The following SENP6 variants were observed in gnomAD, a reference collection of about 807,000 sequenced individuals.
The protein encoded by SENP6 is SUMO specific peptidase 6.
A neutral mutation model predicts 134.5 loss-of-function variants in SENP6; 41 were observed. That is an observed-to-expected ratio of 0.30 (90% CI 0.24 to 0.40). The LOEUF is 0.40. SENP6 is among the 10% of genes least tolerant of loss of function. The probability of loss-of-function intolerance (pLI) is 1.00; values close to 1 mark genes in which losing one functional copy is unlikely to be tolerated. For synonymous variants in SENP6, 395 were observed against 429.8 expected, an observed-to-expected ratio of 0.92 and a Z score of 1.00; for missense variants, 1,248 against 1,312.5, an observed-to-expected ratio of 0.95 and a Z score of 0.76.
At chr6:75,658,566 A>T (rs2149859954) in intron 7 of SENP6, among the ~76,000 whole-genome samples, 1 of 152,174 alleles carries the variant, frequency 6.6e-6, no homozygotes, top group Non-Finnish European at 1.5e-5. Flanking sequence ...TCATCAAATC[A>T]TTTAAACATT....
chr6:75,709,527 A>C lies in SENP6; in HGVS notation c.2717A>C (p.Asp906Ala). Reference sequence around the variant, plus strand: ...TATGTAATGTTTCTTATTGATACAGATGGCTTAAGCAAAATCAGACTAAAC... The same window carrying C: ...TATGTAATGTTTCTTATTGATACAGCTGGCTTAAGCAAAATCAGACTAAAC... ...NESLSSTHHT[D>A]GLSKIRLNYS... The change falls in exon 20 of 24, where the codon GAT (aspartate) becomes GCT (alanine). Residue 906 changes from aspartate to alanine, a missense_variant and splice_region_variant. By Grantham distance (126) the Asp-to-Ala change is moderately radical (BLOSUM62 -2). This residue lies in a region of SENP6 where 386 missense variants were observed against 395.0 expected (regional missense o/e 0.98). Transcript: ENST00000447266. 1 of 1,611,008 alleles carries C rather than the reference A, an allele frequency of 6.2e-7. No individual in the cohort carries two copies. The highest frequency in any genetic ancestry group is 8.5e-7 in the Non-Finnish European group (1 of 1,177,290).
intron 2 of SENP6, chr6:75,622,850 T>C: frequency 7.9e-7 from 1 of 1,270,026 alleles, no homozygotes; most frequent in Non-Finnish European, 1.0e-6. Context: ...GAAGGAGAGC[T>C]TTGAACTGGT....
intron 20 of SENP6, among the ~76,000 whole-genome samples, chr6:75,711,069 G>C (rs969951787): frequency 6.6e-6 from 1 of 152,102 alleles, no homozygotes; most frequent in Non-Finnish European, 1.5e-5. Context: ...CAGTCTTAAA[G>C]ATTTATTCTA....
intron 7 of SENP6, among the ~76,000 whole-genome samples, chr6:75,652,701 A>AAAAAAAAAAAAAAAAAAAAAAAAAAAC: frequency 6.8e-6 from 1 of 146,568 alleles, no homozygotes; most frequent in African/African-American, 2.6e-5. Context: ...AAAAAAAAAA[A>AAAAAAAAAAAAAAAAAAAAAAAAAAAC]AAGAAAAAGA....
At chr6:75,692,157 C>T (rs1297670905) in intron 16 of SENP6, among the ~76,000 whole-genome samples, 1 of 152,016 alleles carries the variant, frequency 6.6e-6, no homozygotes, top group East Asian at 1.9e-4. Flanking sequence ...CGCCTGGCCT[C>T]CCATAAGTTT....
intron 6 of SENP6, among the ~76,000 whole-genome samples, chr6:75,646,286 A>C (rs548621826): frequency 1.7e-4 from 26 of 152,248 alleles, no homozygotes; most frequent in Non-Finnish European, 3.4e-4. Flanking sequence ...CAAATTTCAA[A>C]TTTTTCAGTG....
chr6:75,708,902 AAAAT>A (rs1245593344), intron 19 of SENP6, among the ~76,000 whole-genome samples: 1 of 152,200 alleles, frequency 6.6e-6, no homozygotes, highest in Non-Finnish European at 1.5e-5. Context: ...TCAAAAAATA[AAAAT>A]AAATAAATAA....
At chr6:75,602,793 C>T (rs1311201149) in intron 1 of SENP6, among the ~76,000 whole-genome samples, 3 of 152,114 alleles carry the variant, frequency 2.0e-5, no homozygotes, top group Admixed American at 6.5e-5. Context: ...GCCCAGGGGG[C>T]GCGGGTGGAT....
At chr6:75,682,257 A>T (rs1022998377) in intron 16 of SENP6, among the ~76,000 whole-genome samples, 3 of 152,130 alleles carry the variant, frequency 2.0e-5, no homozygotes, top group African/African-American at 7.2e-5. Flanking sequence ...CTGAAAGGAG[A>T]AACAGACAAA....
intron 16 of SENP6, among the ~76,000 whole-genome samples, chr6:75,683,190 G>A (rs1390662430): frequency 1.3e-5 from 2 of 152,024 alleles, no homozygotes; most frequent in East Asian, 1.9e-4. Flanking sequence ...GTGTCTGTTC[G>A]CTGTATAGAT....
At chr6:75,693,061 CT>C (rs1005522568) in intron 16 of SENP6, among the ~76,000 whole-genome samples, 14 of 152,078 alleles carry the variant, frequency 9.2e-5, no homozygotes, top group African/African-American at 3.4e-4. Flanking sequence ...AATACATTTC[CT>C]TTTTTTAAGG....
chr6:75,689,824 A>T (rs939560005), intron 16 of SENP6, among the ~76,000 whole-genome samples: 4 of 152,278 alleles, frequency 2.6e-5, no homozygotes, highest in African/African-American at 9.6e-5. Flanking sequence ...AGTACACTCG[A>T]TGATGCACAA....
chr6:75,677,019 T>C lies in SENP6; in HGVS notation c.1622-11T>C. ...GTGTTTTTTTTTGGACTTATATTTATTTCTTTTCAGATTTAGAAGAACAAT... is the reference window on the plus strand; with the variant it reads ...GTGTTTTTTTTTGGACTTATATTTACTTCTTTTCAGATTTAGAAGAACAAT... On this transcript the variant is annotated splice_polypyrimidine_tract_variant and intron_variant, in intron 13 of 23. Transcript: ENST00000447266. 1 of 1,296,550 alleles carries C rather than the reference T, an allele frequency of 7.7e-7. No homozygotes were observed. The highest frequency in any genetic ancestry group is 1.3e-5 in the South Asian group (1 of 76,154). 80.3% of individuals were successfully genotyped at this position (1,296,550 alleles called of 1,614,324 possible).
chr6:75,613,717 G>A (rs75560193), intron 1 of SENP6, among the ~76,000 whole-genome samples: 1,834 of 150,976 alleles, frequency 0.012, 35 homozygotes, highest in African/African-American at 0.04. Context: ...TCATTTAACC[G>A]TAATTACTTT....
chr6:75,621,700 G>C, intron 2 of SENP6, 75 bp downstream of exon 2: 1 of 887,288 alleles, frequency 1.1e-6, no homozygotes. Context: ...CTATTGTATG[G>C]AAATATTTTT....
At chr6:75,709,656 TTCTA>T in intron 20 of SENP6, 26 bp downstream of exon 20, 1 of 1,540,358 alleles carries the variant, frequency 6.5e-7, no homozygotes, top group Non-Finnish European at 9.0e-7. Context: ...TGGCAAAAAG[TTCTA>T]ATGTTTTATC....
At chr6:75,636,659 C>A (rs1041834921) in intron 5 of SENP6, among the ~76,000 whole-genome samples, 1 of 151,948 alleles carries the variant, frequency 6.6e-6, no homozygotes, top group Non-Finnish European at 1.5e-5. Flanking sequence ...GAGAAGGGAA[C>A]AAGAATTTAT....
chr6:75,687,437 G>T (rs573305918), intron 16 of SENP6, among the ~76,000 whole-genome samples: 2 of 152,244 alleles, frequency 1.3e-5, no homozygotes, highest in South Asian at 4.1e-4. Flanking sequence ...GCTTTGTTCC[G>T]TTGCTGGCAA....
At chr6:75,623,154 T>A (rs1768402193) in intron 2 of SENP6, among the ~76,000 whole-genome samples, 1 of 151,938 alleles carries the variant, frequency 6.6e-6, no homozygotes, top group Non-Finnish European at 1.5e-5. Context: ...ATAGCTGAGT[T>A]GTCTTCGAAA....
Sources: gnomAD v4.1 joint callset for allele counts (sites outside exome capture counted in the v4.1 genomes callset) on GRCh38, gnomAD v4.1.1 for gene constraint, gnomAD v4.1.1 regional missense constraint, MANE v1.5 for transcripts, NCBI Gene and HGNC (gene_info 2026-07-23, HGNC 2026-07-21) for gene names.